The following MYH15 variants were observed in gnomAD, a reference collection of about 807,000 sequenced individuals.
The protein encoded by MYH15 is myosin heavy chain 15, also known as myosin-15.
A neutral mutation model predicts 240.5 loss-of-function variants in MYH15; 227 were observed. The ratio of observed to expected loss-of-function variants is 0.94; its 90% CI spans 0.85 to 1.05. The LOEUF (loss-of-function observed/expected upper bound fraction) is 1.05, where lower values mean the gene tolerates loss of function less well. Ranked by LOEUF, MYH15 falls within the 50% of genes least tolerant of loss-of-function variation. The pLI, the probability that MYH15 is intolerant of heterozygous loss-of-function variation, is 0.00. For missense variants in MYH15, 2,217 were observed against 2,247.5 expected (o/e 0.99, Z 0.27); for synonymous variants, 785 against 796.7 (o/e 0.99, Z 0.25).
At chr3:108,383,090 C>A (rs2082355102) in intron 40 of MYH15, among the ~76,000 whole-genome samples, 1 of 152,014 alleles carries the variant, frequency 6.6e-6, no homozygotes, top group Non-Finnish European at 1.5e-5. Flanking sequence ...TGTTTTTGGG[C>A]AGAATCAGGA....
chr3:108,476,435 C>G lies in MYH15; in HGVS notation c.1195G>C (p.Gly399Arg), dbSNP rs768226020. 1.2e-6 allele frequency: 2 copies of G among 1,612,728 alleles called. No individual in the cohort carries two copies. Among genetic ancestry groups the G allele is most frequent in the Admixed American group, 3.3e-5 (2 of 59,936 alleles). The change falls in exon 12 of 41, where the codon GGT (glycine) becomes CGT (arginine). Residue 399 changes from glycine to arginine, a missense_variant. Gly to Arg is a moderately radical substitution (Grantham distance 125). Coordinates refer to ENST00000693548, the MANE Select transcript of MYH15 (RefSeq NM_014981.3). ...TGACCTCTGGTAACATATTCGTTAC[C>G]AACTTTGATTCTAGGATGGATCAAG... is the stretch of plus-strand genomic sequence containing the variant. ...KCLIHPRIKV[G>R]NEYVTRGQTI...
chr3:108,496,223 T>C (rs1295876472), intron 6 of MYH15, among the ~76,000 whole-genome samples: 1 of 152,240 alleles, frequency 6.6e-6, no homozygotes. Flanking sequence ...TCCCCCATCA[T>C]TAATCTTCCT....
Position 108,428,716 on chromosome 3 carries a change from C to T in MYH15, c.3478G>A (p.Glu1160Lys), listed in dbSNP as rs1226352060. 5 of 1,613,898 alleles carry T rather than the reference C, an allele frequency of 3.1e-6. No homozygotes were observed. Among genetic ancestry groups the T allele is most frequent in the Non-Finnish European group, 4.2e-6 (5 of 1,179,992 alleles). The change falls in exon 27 of 41, where the codon GAA (glutamate) becomes AAA (lysine). Residue 1160 changes from glutamate (E) to lysine (K), a missense_variant. Transcript: ENST00000693548. Reference sequence around the variant, plus strand: ...CGGTGCAGCTTCTGGAATTTGGTTTCCTGTTTCTTAGTTATTTCCAGCTGA... The same window carrying T: ...CGGTGCAGCTTCTGGAATTTGGTTTTCTGTTTCTTAGTTATTTCCAGCTGA... The part of the protein sequence containing the change: ...LAQLEITKKQ[E>K]TKFQKLHRDM...
chr3:108,477,721 C>T (rs1052080225), intron 11 of MYH15, among the ~76,000 whole-genome samples: 13 of 152,168 alleles, frequency 8.5e-5, no homozygotes, highest in African/African-American at 2.9e-4. Context: ...CCGGCAAGGT[C>T]TCTGTTTGCT....
At chr3:108,528,838 A>C (rs2083692811) in intron 1 of MYH15, among the ~76,000 whole-genome samples, 3 of 152,140 alleles carry the variant, frequency 2.0e-5, no homozygotes, top group Admixed American at 6.6e-5. Context: ...GTCCCAGAGA[A>C]AACTACTCTC....
chr3:108,410,518 C>G, intron 31 of MYH15, 65 bp downstream of exon 31: 2 of 1,164,386 alleles, frequency 1.7e-6, no homozygotes. Flanking sequence ...GACAGCCTTG[C>G]CTGTAGCCAG....
chr3:108,434,259 C>T (rs2082811309), intron 25 of MYH15, among the ~76,000 whole-genome samples: 1 of 148,354 alleles, frequency 6.7e-6, no homozygotes, highest in Non-Finnish European at 1.5e-5. Context: ...CTCAGCTCAG[C>T]TCAATCTCTG....
chr3:108,500,041 C>A, intron 4 of MYH15, 77 bp downstream of exon 4: 1 of 1,473,604 alleles, frequency 6.8e-7, no homozygotes, highest in African/African-American at 1.4e-5. Flanking sequence ...GCTCACAATG[C>A]CTAAGTGCCT....
At chr3:108,548,067 T>C in the MYH15 span, among the ~76,000 whole-genome samples, 1 of 152,152 alleles carries the variant, frequency 6.6e-6, no homozygotes, top group Non-Finnish European at 1.5e-5. Context: ...GCAGAGGTAA[T>C]GCACATGTCA....
At position 108,455,682 on chromosome 3, in the gene MYH15, C is replaced by G. The variant is rs1338799684; in HGVS notation, c.2262+54G>C. ...GAGCATTCACAGGTATTTTAAGATACACAGTCTTCCCCCCATTCGTCTCCA... is the reference window on the plus strand; with the variant it reads ...GAGCATTCACAGGTATTTTAAGATAGACAGTCTTCCCCCCATTCGTCTCCA... On this transcript the variant is annotated intron_variant, in intron 20 of 40. Transcript: ENST00000693548. 3.2e-6 allele frequency: 5 copies of G among 1,584,886 alleles called. No homozygotes were observed. The African/African-American group carries it at 6.7e-5, about 21-fold the overall frequency.
chr3:108,388,848 G>T (rs2082401966), intron 38 of MYH15, 122 bp downstream of exon 38: 2 of 750,800 alleles, frequency 2.7e-6, no homozygotes, highest in Non-Finnish European at 4.4e-6. Context: ...GTCTACTGCT[G>T]AAGGAGAACA....
At chr3:108,470,903 C>T (rs12495639) in intron 12 of MYH15, 56 bp from the exon 13 acceptor site, 1,573,638 of 1,574,110 alleles carry the variant, frequency 1, 786,584 homozygotes, top group Middle Eastern at 1. Flanking sequence ...ATTTTAATCC[C>T]GGGCATTCTC....
At chr3:108,440,951 C>T in intron 23 of MYH15, 67 bp downstream of exon 23, 1 of 1,590,630 alleles carries the variant, frequency 6.3e-7, no homozygotes, top group East Asian at 2.2e-5. Context: ...AGTCAGATAC[C>T]AAAACCTGAT....
At chr3:108,548,689 T>C in the MYH15 span, among the ~76,000 whole-genome samples, 1 of 152,146 alleles carries the variant, frequency 6.6e-6, no homozygotes, top group South Asian at 2.1e-4. Flanking sequence ...ATATAGTTCA[T>C]AACTATTTGA....
chr3:108,510,080 C>T (rs950280911), intron 1 of MYH15, among the ~76,000 whole-genome samples: 7 of 152,148 alleles, frequency 4.6e-5, no homozygotes, highest in Non-Finnish European at 1.5e-5. Flanking sequence ...AAGTCACAGG[C>T]CCCTCTCTCT....
At chr3:108,478,680 TAA>T (rs34144812) in intron 11 of MYH15, among the ~76,000 whole-genome samples, 36 of 146,550 alleles carry the variant, frequency 2.5e-4, no homozygotes, top group Non-Finnish European at 2.3e-4. Context: ...TGTCCAGGTT[TAA>T]AAAAAAAAAA....
At chr3:108,418,860 C>T (rs191107532) in intron 28 of MYH15, among the ~76,000 whole-genome samples, 6 of 152,274 alleles carry the variant, frequency 3.9e-5, no homozygotes, top group Admixed American at 3.3e-4. Flanking sequence ...AAGTGATTCT[C>T]CTGCCTCAGC....
chr3:108,391,310 C>CAG (rs2107535790), intron 37 of MYH15, among the ~76,000 whole-genome samples: 1 of 152,250 alleles, frequency 6.6e-6, no homozygotes, highest in South Asian at 2.1e-4. Flanking sequence ...TCTGTCAGTC[C>CAG]TTACTGTATC....
rs140232250 is a variant in MYH15 at position 108,520,829 on chromosome 3, A to G, written c.-58+8434T>C. 3.7e-4 allele frequency among the ~76,000 whole-genome samples: 57 copies of G among 152,284 alleles called. 2 individuals carry two copies. In the East Asian group the frequency reaches 0.01, roughly 27 times the overall value. ...AGTTAATCATAGATATCTACTATTTATTTAGGCTATTCTGAGAATACTAAG... is the reference window on the plus strand; with the variant it reads ...AGTTAATCATAGATATCTACTATTTGTTTAGGCTATTCTGAGAATACTAAG... On this transcript the variant is annotated intron_variant, in intron 1 of 41. Coordinates refer to the MYH15 transcript ENST00000273353.
Sources: allele counts gnomAD v4.1 joint callset (sites outside exome capture counted in the v4.1 genomes callset), GRCh38; gene constraint gnomAD v4.1.1; transcripts MANE v1.5; gene names NCBI Gene and HGNC (gene_info 2026-07-23, HGNC 2026-07-21).